Variants in DNAH3 observed in about 807,000 individuals in gnomAD.
DNAH3 encodes the protein dynein axonemal heavy chain 3.
A neutral mutation model predicts 432.5 loss-of-function variants in DNAH3; 332 were observed. The ratio of observed to expected loss-of-function variants is 0.77; its 90% CI spans 0.70 to 0.84. The LOEUF is 0.84. Ranked by LOEUF, DNAH3 falls within the 40% of genes least tolerant of loss-of-function variation. The pLI, the probability that DNAH3 is intolerant of heterozygous loss-of-function variation, is 0.00. For synonymous variants in DNAH3, 1,956 were observed against 1,900.2 expected, an observed-to-expected ratio of 1.03 and a Z score of -0.76; for missense variants, 4,861 against 5,114.0, an observed-to-expected ratio of 0.95 and a Z score of 1.51.
At chr16:21,156,345 C>T (rs1303035500) in intron 1 of DNAH3, among the ~76,000 whole-genome samples, 1 of 152,050 alleles carries the variant, frequency 6.6e-6, no homozygotes, top group African/African-American at 2.4e-5. Flanking sequence ...GATCCTCCTG[C>T]CTCAGCCTCC....
chr16:21,154,158 G>C (rs7185097), intron 1 of DNAH3, among the ~76,000 whole-genome samples: 72,535 of 152,106 alleles, frequency 0.48, 17,813 homozygotes, highest in East Asian at 0.69. Flanking sequence ...AATCCCAGCA[G>C]CTGGGGAGGC....
chr16:21,012,858 C>T (rs1387042709), intron 41 of DNAH3, among the ~76,000 whole-genome samples: 2 of 152,082 alleles, frequency 1.3e-5, no homozygotes, highest in Non-Finnish European at 2.9e-5. Context: ...AACTCCTAGG[C>T]TCAAGCAATC....
Position 21,016,358 on chromosome 16 carries a change from A to G in DNAH3, c.6022+3266T>C, listed in dbSNP as rs140560092. 2.1e-3 allele frequency among the ~76,000 whole-genome samples: 316 copies of G among 152,384 alleles called. 1 individual carries two copies. The highest frequency in any genetic ancestry group is 7.1e-3 in the African/African-American group (297 of 41,598). ...AACAAACCTGGAGACACATACATGCATAAGAAAATGTCCAAAAGAATTGTC... is the reference window on the plus strand; with the variant it reads ...AACAAACCTGGAGACACATACATGCGTAAGAAAATGTCCAAAAGAATTGTC... On this transcript the variant is annotated intron_variant, in intron 41 of 61. Transcript: ENST00000261383.
chr16:20,934,597 T>C (rs1382656305), intron 61 of DNAH3, among the ~76,000 whole-genome samples: 1 of 152,170 alleles, frequency 6.6e-6, no homozygotes. Context: ...CAAGGTGTGG[T>C]TTCTCCTGAA....
At chr16:21,083,269 G>A (rs2091257452) in intron 19 of DNAH3, among the ~76,000 whole-genome samples, 1 of 152,130 alleles carries the variant, frequency 6.6e-6, no homozygotes, top group South Asian at 2.1e-4. Context: ...GTCTGCCTCG[G>A]CCTCCCAAAG....
rs752386692 is a variant in DNAH3 at position 20,933,332 on chromosome 16, A to AT, written c.12172dup (p.Met4058AsnfsTer36). On this transcript the variant is annotated frameshift_variant, in exon 62 of 62. Coordinates refer to ENST00000261383, the Ensembl canonical transcript of DNAH3. LOFTEE classifies it high-confidence loss of function. ...CACATAGATGTCCTGATGCAGAAAC[A>AT]TTGCGCTCTCCCCAGGTTTCAGCCA... is the stretch of plus-strand genomic sequence containing the variant. The AT allele has an allele frequency of 1.1e-5, 18 of 1,614,096 alleles. No homozygotes were observed. The highest frequency in any genetic ancestry group is 1.4e-5 in the Non-Finnish European group (17 of 1,180,054).
At chr16:20,943,356 G>A (rs1371993320) in intron 58 of DNAH3, among the ~76,000 whole-genome samples, 1 of 151,972 alleles carries the variant, frequency 6.6e-6, no homozygotes, top group Non-Finnish European at 1.5e-5. Context: ...AGGGTTATAG[G>A]CATGAGCCAT....
At chr16:21,023,786 G>GTGTGTGTGTGTGTGTGTGTGTGT (rs1567654144) in intron 39 of DNAH3, among the ~76,000 whole-genome samples, 79 of 146,484 alleles carry the variant, frequency 5.4e-4, no homozygotes, top group African/African-American at 1.9e-3. Context: ...CAGCTTTTGG[G>GTGTGTGTGTGTGTGTGTGTGTGT]GTGTGTGTGT....
At chr16:21,144,461 G>A (rs537739799) in intron 3 of DNAH3, among the ~76,000 whole-genome samples, 7 of 152,190 alleles carry the variant, frequency 4.6e-5, no homozygotes, top group Non-Finnish European at 7.3e-5. Context: ...TGACATGAGT[G>A]AGCCTGGAAG....
rs2089864613 is a variant in DNAH3, at chr16:21,049,554, T to C, written c.4461+15A>G. ...TGCACAGCTTCTTTGTTCTGCAGCC[T>C]AGAGGCAGAGTTACCTCGATCCTGT... On this transcript the variant is annotated intron_variant, in intron 31 of 61. Transcript: ENST00000261383. 1.2e-6 allele frequency: 2 copies of C among 1,610,984 alleles called. No homozygotes were observed. Among genetic ancestry groups the C allele is most frequent in the African/African-American group, 1.3e-5 (1 of 74,794 alleles).
At chr16:20,942,958 G>T (rs897294627) in intron 58 of DNAH3, among the ~76,000 whole-genome samples, 1 of 152,088 alleles carries the variant, frequency 6.6e-6, no homozygotes, top group Non-Finnish European at 1.5e-5. Context: ...GTCCAGGTGG[G>T]AGTGCAAAGG....
chr16:21,058,187 T>C (rs754936131), exon 27 of DNAH3: 1 of 1,608,204 alleles, frequency 6.2e-7, no homozygotes, highest in Non-Finnish European at 8.5e-7. Context: ...ACCCAGTGAT[T>C]TCGAGGGACC....
At chr16:21,051,979 A>G in intron 28 of DNAH3, 111 bp from the exon 29 acceptor site, 1 of 727,514 alleles carries the variant, frequency 1.4e-6, no homozygotes, top group South Asian at 2.2e-5. Flanking sequence ...TCTCCAAACT[A>G]TTTTATTTTA....
intron 26 of DNAH3, among the ~76,000 whole-genome samples, chr16:21,059,322 T>G (rs2090257229): frequency 6.6e-6 from 1 of 152,236 alleles, no homozygotes; most frequent in Non-Finnish European, 1.5e-5. Flanking sequence ...TTTTCTTTAA[T>G]TTTTGATTCA....
chr16:21,053,877 A>C (rs1219528492), intron 28 of DNAH3, among the ~76,000 whole-genome samples: 1 of 151,322 alleles, frequency 6.6e-6, no homozygotes, highest in Non-Finnish European at 1.5e-5. Flanking sequence ...TTAAAGGAGG[A>C]GCTGGAAGGC....
At position 21,051,667 on chromosome 16, in the gene DNAH3, T is replaced by G; in HGVS notation, c.4238+3A>C. On this transcript the variant is annotated splice_donor_region_variant and intron_variant, in intron 29 of 61. Coordinates refer to ENST00000261383, the Ensembl canonical transcript of DNAH3. ...CCTCAGATCTAGGAGCTCCAGAGTG[T>G]ACCTGTAGCAGCGGTCGGTGAGGGG... 6.2e-7 allele frequency: 1 copy of G among 1,612,628 alleles called. No homozygotes were observed. The highest frequency in any genetic ancestry group is 1.1e-5 in the South Asian group (1 of 91,000).
chr16:21,154,341 GT>G (rs1401174411), intron 1 of DNAH3, among the ~76,000 whole-genome samples: 1 of 151,970 alleles, frequency 6.6e-6, no homozygotes, highest in Non-Finnish European at 1.5e-5. Context: ...GGAGGTGGAG[GT>G]TGCAGTAAGC....
chr16:21,047,861 A>T (rs2089775527), intron 31 of DNAH3, among the ~76,000 whole-genome samples: 1 of 150,428 alleles, frequency 6.6e-6, no homozygotes, highest in South Asian at 2.1e-4. Flanking sequence ...TTTGGTGTGG[A>T]TGTCCTTTCT....
At chr16:20,998,872 T>C (rs1266132030) in intron 43 of DNAH3, among the ~76,000 whole-genome samples, 2 of 151,708 alleles carry the variant, frequency 1.3e-5, no homozygotes, top group South Asian at 2.1e-4. Context: ...AATCCGATAA[T>C]AACTTTATAA....
Sources: allele counts gnomAD v4.1 joint callset (sites outside exome capture counted in the v4.1 genomes callset), GRCh38; gene constraint gnomAD v4.1.1; transcripts MANE v1.5; gene names NCBI Gene and HGNC (gene_info 2026-07-23, HGNC 2026-07-21).